COG5: variants seen among roughly 807,000 people sequenced by gnomAD.
COG5 encodes the protein component of oligomeric golgi complex 5, also known as conserved oligomeric Golgi complex subunit 5.
Under a neutral mutation model 110.4 loss-of-function variants are expected in COG5, and 86 were observed. The ratio of observed to expected loss-of-function variants is 0.78; its 90% CI spans 0.65 to 0.93. The LOEUF is 0.93. Among genes scored for constraint, COG5 ranks in the 40% least tolerant of loss-of-function variants. The probability of loss-of-function intolerance (pLI) is 0.00; values close to 1 mark genes in which losing one functional copy is unlikely to be tolerated. For missense variants in COG5, 1,077 were observed against 987.0 expected (o/e 1.09, Z -1.22); for synonymous variants, 360 against 334.6 (o/e 1.08, Z -0.83).
intron 6 of COG5, among the ~76,000 whole-genome samples, chr7:107,524,779 A>G (rs1329489702): frequency 6.6e-6 from 1 of 152,220 alleles, no homozygotes; most frequent in Non-Finnish European, 1.5e-5. Context: ...TCATTCCACC[A>G]TGAACTATAT....
chr7:107,216,253 C>A (rs1301890266), intron 19 of COG5, among the ~76,000 whole-genome samples: 1 of 152,088 alleles, frequency 6.6e-6, no homozygotes, highest in Non-Finnish European at 1.5e-5. Flanking sequence ...ATATGTAAAG[C>A]AAATATTAAA....
At position 107,202,531 on chromosome 7, in the gene COG5, G is replaced by A. The variant is rs1021367884; in HGVS notation, c.*985C>T. The A allele has an allele frequency of 2.0e-5, 3 of 151,804 alleles. No homozygotes were observed. The highest frequency in any genetic ancestry group is 7.3e-5 in the African/African-American group (3 of 41,096). The allele number at this position is 151,804 out of a possible 1,614,324, so 9.4% of individuals were successfully genotyped here. ...GAAAAAAAAGTTGCTTATCTCTGACGTCTACTGATTGATTGATTGATTGAT... is the reference window on the plus strand; with the variant it reads ...GAAAAAAAAGTTGCTTATCTCTGACATCTACTGATTGATTGATTGATTGAT... On this transcript the variant is annotated 3_prime_UTR_variant, in exon 22 of 22. Transcript: ENST00000297135.
Position 107,529,869 on chromosome 7 carries a change from C to T in COG5, c.418-2512G>A, listed in dbSNP as rs578217347. Among the ~76,000 whole-genome samples the T allele has an allele frequency of 4.6e-5, 7 of 152,264 alleles. No homozygotes were observed. The East Asian group carries it at 7.7e-4, about 17-fold the overall frequency. Reference sequence around the variant, plus strand: ...GAATTGAGGTTGCTGCAGACCTGTACGGATTCGACACCAGTAACTTGGATA... The same window carrying T: ...GAATTGAGGTTGCTGCAGACCTGTATGGATTCGACACCAGTAACTTGGATA... On this transcript the variant is annotated intron_variant, in intron 5 of 21. Transcript: ENST00000297135.
chr7:107,422,552 T>TA (rs1410171669), intron 6 of COG5, among the ~76,000 whole-genome samples: 33 of 151,760 alleles, frequency 2.2e-4, no homozygotes, highest in African/African-American at 7.7e-4. Flanking sequence ...TAAACTAAAA[T>TA]ACAAATAAAT....
Position 107,437,430 on chromosome 7 carries a change from G to C in COG5, c.539-24798C>G, listed in dbSNP as rs1011511985. On this transcript the variant is annotated intron_variant, in intron 6 of 21. Coordinates refer to ENST00000297135, the MANE Select transcript of COG5 (RefSeq NM_006348.5). Reference sequence around the variant, plus strand: ...TAAGAACCATAGTAACTTCTTTCTTGTTTCTGCTAAAAATATAGAATACTG... The same window carrying C: ...TAAGAACCATAGTAACTTCTTTCTTCTTTCTGCTAAAAATATAGAATACTG... Among the ~76,000 whole-genome samples, 4 of 152,134 alleles carry C rather than the reference G, an allele frequency of 2.6e-5. No homozygotes were observed. The South Asian group carries it at 8.3e-4, about 31-fold the overall frequency.
chr7:107,490,927 G>A (rs957964945), intron 6 of COG5, among the ~76,000 whole-genome samples: 3 of 152,056 alleles, frequency 2.0e-5, no homozygotes, highest in African/African-American at 7.2e-5. Flanking sequence ...TGAATACGGT[G>A]TTGTTCTCAT....
chr7:107,438,056 G>T (rs529453517), intron 6 of COG5, among the ~76,000 whole-genome samples: 2 of 152,056 alleles, frequency 1.3e-5, no homozygotes, highest in South Asian at 2.1e-4. Context: ...TAGATTCAAC[G>T]CCTGAAGATA....
chr7:107,431,994 C>A (rs1291334705), intron 6 of COG5, among the ~76,000 whole-genome samples: 1 of 151,856 alleles, frequency 6.6e-6, no homozygotes, highest in African/African-American at 2.4e-5. Flanking sequence ...AAATACAGAG[C>A]CTAAAGAACT....
intron 12 of COG5, among the ~76,000 whole-genome samples, chr7:107,294,362 C>G (rs1806419655): frequency 6.6e-6 from 1 of 152,152 alleles, no homozygotes; most frequent in Admixed American, 6.5e-5. Context: ...CAAATTACCA[C>G]CTCATCTGCT....
rs1000038820 is a variant in COG5 at position 107,201,574 on chromosome 7, A to AATAAT, written c.*1937_*1941dup. 64 of 473,554 alleles carry AATAAT rather than the reference A, an allele frequency of 1.4e-4. No individual in the cohort carries two copies. In the Admixed American group the frequency reaches 1.7e-3, roughly 13 times the overall value. 29.3% of individuals were successfully genotyped at this position (473,554 alleles called of 1,614,324 possible). ...ATAGCATTGAGTCTTGAAATGATTT[A>AATAAT]ATAATATGAGTGAGGATTTGCTTTC... On this transcript the variant is annotated 3_prime_UTR_variant, in exon 22 of 22. Transcript: ENST00000297135.
chr7:107,254,714 G>A (rs748351439), intron 16 of COG5, among the ~76,000 whole-genome samples: 1 of 152,092 alleles, frequency 6.6e-6, no homozygotes, highest in Non-Finnish European at 1.5e-5. Context: ...TTTGTTGTCT[G>A]TCAAAAATAA....
At chr7:107,311,855 A>T (rs533877174) in intron 11 of COG5, among the ~76,000 whole-genome samples, 4 of 151,524 alleles carry the variant, frequency 2.6e-5, no homozygotes, top group South Asian at 2.1e-4. Context: ...CATGCAAAAA[A>T]TTTTTTAACA....
intron 6 of COG5, among the ~76,000 whole-genome samples, chr7:107,482,156 G>C (rs756889825): frequency 6.7e-6 from 1 of 150,060 alleles, no homozygotes; most frequent in Non-Finnish European, 1.5e-5. Flanking sequence ...TTTTTTTGGT[G>C]GGGGAGACAG....
At chr7:107,251,987 C>T (rs1338234996) in intron 16 of COG5, among the ~76,000 whole-genome samples, 1 of 151,868 alleles carries the variant, frequency 6.6e-6, no homozygotes, top group African/African-American at 2.4e-5. Context: ...GAGAAAAAAA[C>T]AGGAAGAGAA....
At chr7:107,541,361 G>A (rs1184804936) in intron 5 of COG5, among the ~76,000 whole-genome samples, 1 of 149,088 alleles carries the variant, frequency 6.7e-6, no homozygotes, top group Non-Finnish European at 1.5e-5. Context: ...GCTGGGTGTG[G>A]TGGTGCATGC....
At chr7:107,480,677 C>A (rs1353285875) in intron 6 of COG5, 1 of 151,994 alleles carries the variant, frequency 6.6e-6, no homozygotes, top group African/African-American at 2.4e-5. Flanking sequence ...GCAAAAGACA[C>A]CCCCATTGAC....
At chr7:107,338,218 G>C (rs915708047) in intron 10 of COG5, among the ~76,000 whole-genome samples, 1 of 152,080 alleles carries the variant, frequency 6.6e-6, no homozygotes, top group Admixed American at 6.5e-5. Flanking sequence ...AACAAAACTA[G>C]TGGTCTCATA....
chr7:107,300,975 G>C (rs975843898), intron 11 of COG5, among the ~76,000 whole-genome samples: 17 of 152,010 alleles, frequency 1.1e-4, no homozygotes, highest in Non-Finnish European at 2.9e-5. Context: ...GTGCAGAATA[G>C]AGAGTACAAA....
At chr7:107,553,186 A>T (rs568050224) in intron 3 of COG5, among the ~76,000 whole-genome samples, 1 of 152,162 alleles carries the variant, frequency 6.6e-6, no homozygotes, top group South Asian at 2.1e-4. Flanking sequence ...AAACCTCAGC[A>T]TTATGTAATA....
Sources: allele counts gnomAD v4.1 joint callset (sites outside exome capture counted in the v4.1 genomes callset), GRCh38; gene constraint gnomAD v4.1.1; transcripts MANE v1.5; gene names NCBI Gene and HGNC (gene_info 2026-07-23, HGNC 2026-07-21).